PCDH9: variants seen among roughly 807,000 people sequenced by gnomAD.
The protein encoded by PCDH9 is protocadherin 9, also known as protocadherin-9.
A neutral mutation model predicts 70.6 loss-of-function variants in PCDH9; 24 were observed. The observed-to-expected ratio is 0.34, with a 90% CI of 0.25 to 0.48. The LOEUF is 0.48. Among genes scored for constraint, PCDH9 ranks in the 20% least tolerant of loss-of-function variants. The probability of loss-of-function intolerance (pLI) is 0.99; values close to 1 mark genes in which losing one functional copy is unlikely to be tolerated. For synonymous variants in PCDH9, 562 were observed against 558.5 expected (o/e 1.01, Z -0.09); for missense variants, 1,281 against 1,503.6 (o/e 0.85, Z 2.45).
intron 4 of PCDH9, among the ~76,000 whole-genome samples, chr13:66,630,384 T>C (rs1220093482): frequency 6.6e-6 from 1 of 152,142 alleles, no homozygotes; most frequent in Non-Finnish European, 1.5e-5. Context: ...CTGGGGATAA[T>C]AATTGATGAA....
intron 3 of PCDH9, among the ~76,000 whole-genome samples, chr13:66,849,241 G>C (rs1310125294): frequency 6.6e-6 from 1 of 151,772 alleles, no homozygotes. Flanking sequence ...ACATTCATCT[G>C]TTCTGTTAAA....
Position 66,860,897 on chromosome 13 carries a change from T to A in PCDH9, c.3138+42607A>T, listed in dbSNP as rs114789904. On this transcript the variant is annotated intron_variant, in intron 3 of 4. Coordinates refer to ENST00000377865, the MANE Select transcript of PCDH9 (RefSeq NM_203487.3). ...ATAGATAACAATAATAGAAAGAATA[T>A]CAGGCATGAAAAGCTACATTTTCCT... Among the ~76,000 whole-genome samples, 563 of 152,264 alleles carry A rather than the reference T, an allele frequency of 3.7e-3. 1 individual carries two copies. The highest frequency in any genetic ancestry group is 0.013 in the African/African-American group (555 of 41,556).
At position 66,981,401 on chromosome 13, in the gene PCDH9, G is replaced by GCACT. The variant is rs2083765581; in HGVS notation, c.3037-77800_3037-77797dup. Among the ~76,000 whole-genome samples the GCACT allele has an allele frequency of 2.8e-5, 4 of 144,364 alleles. No individual in the cohort carries two copies. The South Asian group carries it at 6.5e-4, about 23-fold the overall frequency. The allele number at this position is 144,364 out of a possible 152,430, so 94.7% of individuals were successfully genotyped here. A position where few individuals can be genotyped will look rare whatever the true frequency, so the allele number is the denominator to read the frequency against. On this transcript the variant is annotated intron_variant, in intron 2 of 4. Transcript: ENST00000377865. ...TGCAATGAGCCGAGATCGTGCCACTGCACTCCAGCCTGGGTGACAGAGCGA... is the reference window on the plus strand; with the variant it reads ...TGCAATGAGCCGAGATCGTGCCACTGCACTCACTCCAGCCTGGGTGACAGAGCGA...
At chr13:66,427,988 A>G (rs1281513925) in intron 4 of PCDH9, among the ~76,000 whole-genome samples, 3 of 151,826 alleles carry the variant, frequency 2.0e-5, no homozygotes, top group Non-Finnish European at 3.0e-5. Context: ...ATCAAATATT[A>G]TTAACTAAGT....
intron 4 of PCDH9, among the ~76,000 whole-genome samples, chr13:66,602,032 A>T (rs971859125): frequency 3.4e-5 from 5 of 145,722 alleles, no homozygotes; most frequent in African/African-American, 1.2e-4. Flanking sequence ...ACTTTTACTT[A>T]AAAAAAATGC....
At chr13:66,728,210 T>A (rs189338045) in intron 3 of PCDH9, among the ~76,000 whole-genome samples, 62 of 152,288 alleles carry the variant, frequency 4.1e-4, no homozygotes, top group African/African-American at 1.3e-3. Flanking sequence ...ACTACTTCAG[T>A]TATGCTGTTT....
chr13:66,347,654 C>G (rs1342228750), intron 4 of PCDH9, among the ~76,000 whole-genome samples: 1 of 152,164 alleles, frequency 6.6e-6, no homozygotes, highest in Admixed American at 6.5e-5. Context: ...ATTAACCTCT[C>G]TTCAGCCTTA....
chr13:66,326,502 T>C (rs1047690354), intron 4 of PCDH9, among the ~76,000 whole-genome samples: 4 of 151,178 alleles, frequency 2.6e-5, no homozygotes, highest in Non-Finnish European at 5.9e-5. Context: ...CACTGCAAGC[T>C]CCGCCTCCCG....
intron 4 of PCDH9, among the ~76,000 whole-genome samples, chr13:66,528,209 G>A (rs1042019557): frequency 6.6e-6 from 1 of 152,124 alleles, no homozygotes; most frequent in Non-Finnish European, 1.5e-5. Context: ...TCCCTTTGGA[G>A]CTAGCTTTAT....
At chr13:66,685,007 C>T (rs2078379849) in intron 3 of PCDH9, among the ~76,000 whole-genome samples, 1 of 151,188 alleles carries the variant, frequency 6.6e-6, no homozygotes, top group Admixed American at 6.7e-5. Context: ...GGAAAATTTG[C>T]AGCCTGACGA....
chr13:66,821,050 C>T (rs888670612), intron 3 of PCDH9, among the ~76,000 whole-genome samples: 2 of 152,026 alleles, frequency 1.3e-5, no homozygotes, highest in Admixed American at 1.3e-4. Flanking sequence ...TCATAAGCTT[C>T]GAATACCAAG....
At position 67,227,721 on chromosome 13, in the gene PCDH9, G is replaced by A; in HGVS notation, c.720C>T (p.Val240=). The change falls in exon 2 of 5, where the codon GTC becomes GTT. Residue 240 remains valine (V), a synonymous_variant. Coordinates refer to ENST00000377865, the MANE Select transcript of PCDH9 (RefSeq NM_203487.3). This position sits in a 1 kb window ranked among gnomAD's most constrained non-coding sequence, Gnocchi z 4.6. ...TGTTGTCATTTACATCACTTACTGTGACCTGCAGTATGGCCGTACTGGATT... is the reference window on the plus strand; with the variant it reads ...TGTTGTCATTTACATCACTTACTGTAACCTGCAGTATGGCCGTACTGGATT... ...PQKSSTAILQ[V]TVSDVNDNRP... 1 of 1,613,908 alleles carries A rather than the reference G, an allele frequency of 6.2e-7. No individual in the cohort carries two copies. The highest frequency in any genetic ancestry group is 8.5e-7 in the Non-Finnish European group (1 of 1,179,792).
At chr13:66,485,138 C>T (rs1958916812) in intron 4 of PCDH9, among the ~76,000 whole-genome samples, 1 of 152,132 alleles carries the variant, frequency 6.6e-6, no homozygotes, top group Non-Finnish European at 1.5e-5. Flanking sequence ...AAACAGTATT[C>T]TTGAAAACTT....
intron 4 of PCDH9, among the ~76,000 whole-genome samples, chr13:66,334,255 T>A (rs1043137977): frequency 6.6e-6 from 1 of 152,092 alleles, no homozygotes; most frequent in African/African-American, 2.4e-5. Flanking sequence ...GATACCAACC[T>A]TTTAATCTCC....
intron 4 of PCDH9, among the ~76,000 whole-genome samples, chr13:66,612,665 T>G (rs1413903829): frequency 6.6e-6 from 1 of 152,110 alleles, no homozygotes; most frequent in Non-Finnish European, 1.5e-5. Context: ...CTGAAGAAAC[T>G]CAACCAGCCT....
chr13:66,793,467 C>G (rs1034285014), intron 3 of PCDH9, among the ~76,000 whole-genome samples: 1 of 151,920 alleles, frequency 6.6e-6, no homozygotes, highest in Non-Finnish European at 1.5e-5. Flanking sequence ...TCCTTAATAC[C>G]ATTATATTGG....
intron 3 of PCDH9, among the ~76,000 whole-genome samples, chr13:66,753,387 T>G (rs1223516460): frequency 6.6e-6 from 1 of 152,096 alleles, no homozygotes; most frequent in East Asian, 1.9e-4. Flanking sequence ...GACAGAGAAA[T>G]CATGTTTGAG....
intron 3 of PCDH9, among the ~76,000 whole-genome samples, chr13:66,843,125 C>T (rs181067942): frequency 6.6e-6 from 1 of 152,194 alleles, no homozygotes; most frequent in Admixed American, 6.5e-5. Flanking sequence ...AGGTGTGTGC[C>T]CTCAGCAAAG....
At chr13:66,641,369 C>A (rs1418836864) in intron 3 of PCDH9, among the ~76,000 whole-genome samples, 1 of 152,110 alleles carries the variant, frequency 6.6e-6, no homozygotes, top group Middle Eastern at 3.2e-3. Context: ...AGAACTTGAT[C>A]CTCTTCAGTA....
Sources: gnomAD v4.1 joint callset for allele counts (sites outside exome capture counted in the v4.1 genomes callset) on GRCh38, gnomAD v4.1.1 for gene constraint, Gnocchi (gnomAD v3.1) non-coding constraint, MANE v1.5 for transcripts, NCBI Gene and HGNC (gene_info 2026-07-23, HGNC 2026-07-21) for gene names.